The following RUVBL1 variants were observed in gnomAD, a reference collection of about 807,000 sequenced individuals.
RUVBL1 encodes RuvB like AAA ATPase 1.
RUVBL1 carries 4 observed loss-of-function variants against 52.4 expected under a neutral mutation model. The ratio of observed to expected loss-of-function variants is 0.08; its 90% CI spans 0.04 to 0.17. The LOEUF is 0.17. Among genes scored for constraint, RUVBL1 ranks in the 10% least tolerant of loss-of-function variants. RUVBL1 has a pLI of 1.00. For synonymous variants in RUVBL1, 217 were observed against 214.4 expected, an observed-to-expected ratio of 1.01 and a Z score of -0.10; for missense variants, 298 against 572.8, an observed-to-expected ratio of 0.52 and a Z score of 4.90.
intron 9 of RUVBL1, chr3:128,069,587 A>G (rs1309482701): frequency 3.7e-6 from 6 of 1,613,988 alleles, no homozygotes; most frequent in African/African-American, 1.3e-5. Flanking sequence ...TCGCAGTCAC[A>G]ATCATCTACC....
At chr3:128,086,767 T>C (rs1013747708) in intron 9 of RUVBL1, among the ~76,000 whole-genome samples, 6 of 152,240 alleles carry the variant, frequency 3.9e-5, no homozygotes, top group Non-Finnish European at 5.9e-5. Flanking sequence ...CCAATGGTAT[T>C]CCTATGCTTG....
chr3:128,104,742 A>G (rs1310029873), intron 4 of RUVBL1, 31 bp downstream of exon 4: 4 of 1,579,500 alleles, frequency 2.5e-6, no homozygotes, highest in Admixed American at 3.4e-5. Flanking sequence ...TGGGAGAGTC[A>G]AGGGAAAAGA....
At chr3:128,142,480 G>A (rs1944040355) in intron 1 of RUVBL1, among the ~76,000 whole-genome samples, 1 of 152,194 alleles carries the variant, frequency 6.6e-6, no homozygotes, top group South Asian at 2.1e-4. Context: ...TGACACTCCA[G>A]TTAAGTGTTT....
chr3:128,065,678 T>C (rs1941951319), intron 9 of RUVBL1, among the ~76,000 whole-genome samples: 1 of 150,492 alleles, frequency 6.6e-6, no homozygotes, highest in South Asian at 2.1e-4. Context: ...TCTTGCTTAA[T>C]AAAAAGCTAT....
rs140452134 is a variant in RUVBL1, at chr3:128,120,513, G to A, written c.142-1099C>T. Among the ~76,000 whole-genome samples the A allele has an allele frequency of 3.4e-3, 519 of 152,188 alleles. 1 individual carries two copies. Among genetic ancestry groups the A allele is most frequent in the African/African-American group, 0.012 (481 of 41,534 alleles). On this transcript the variant is annotated intron_variant, in intron 1 of 10. Coordinates refer to ENST00000322623, the MANE Select transcript of RUVBL1 (RefSeq NM_003707.3). ...ATATTTTAGAATATTTGACTATAAG[G>A]GGGGAACACTGAGAAAGTTACACTA...
chr3:128,111,506 T>C (rs1032563529), intron 3 of RUVBL1, among the ~76,000 whole-genome samples: 1 of 152,134 alleles, frequency 6.6e-6, no homozygotes, highest in African/African-American at 2.4e-5. Context: ...AGCGCTACCA[T>C]GCAAACACAC....
At chr3:128,116,277 A>G (rs1943520378) in intron 2 of RUVBL1, among the ~76,000 whole-genome samples, 1 of 152,156 alleles carries the variant, frequency 6.6e-6, no homozygotes, top group South Asian at 2.1e-4. Context: ...ACAGTGGCTC[A>G]CGCCTGTAAT....
At chr3:128,110,269 G>C (rs1391191374) in intron 3 of RUVBL1, among the ~76,000 whole-genome samples, 2 of 152,084 alleles carry the variant, frequency 1.3e-5, no homozygotes, top group African/African-American at 4.8e-5. Context: ...CTGGACAACA[G>C]AGTAAGACCC....
intron 9 of RUVBL1, among the ~76,000 whole-genome samples, chr3:128,072,053 C>T (rs1942182223): frequency 6.6e-6 from 1 of 152,222 alleles, no homozygotes; most frequent in South Asian, 2.1e-4. Context: ...AGCTCCAGTA[C>T]CCAGCTGGTG....
At chr3:128,152,806 A>T (rs1432807024) in intron 1 of RUVBL1, among the ~76,000 whole-genome samples, 1 of 151,098 alleles carries the variant, frequency 6.6e-6, no homozygotes. Context: ...AAGAGCAAAA[A>T]GCTTCTGCAA....
intron 2 of RUVBL1, among the ~76,000 whole-genome samples, chr3:128,115,034 C>T (rs186011515): frequency 1.3e-5 from 2 of 152,204 alleles, no homozygotes; most frequent in Admixed American, 1.3e-4. Context: ...ATGTGTGTCT[C>T]GTTTCCTCCA....
At chr3:128,074,377 C>A (rs1477330171) in intron 9 of RUVBL1, among the ~76,000 whole-genome samples, 11 of 146,234 alleles carry the variant, frequency 7.5e-5, no homozygotes, top group African/African-American at 7.6e-5. Flanking sequence ...TAATCTATTG[C>A]AAAAAAAAAA....
chr3:128,118,032 T>C (rs1333925196), intron 2 of RUVBL1, among the ~76,000 whole-genome samples: 1 of 152,148 alleles, frequency 6.6e-6, no homozygotes, highest in Non-Finnish European at 1.5e-5. Flanking sequence ...AAGGGCAACA[T>C]AATGAATGCA....
At chr3:128,150,874 AT>A (rs1167422332) in intron 1 of RUVBL1, among the ~76,000 whole-genome samples, 2 of 66,962 alleles carry the variant, frequency 3.0e-5, no homozygotes, top group African/African-American at 1.5e-4. Context: ...TTATATATAT[AT>A]ATTCTATATA....
intron 1 of RUVBL1, among the ~76,000 whole-genome samples, chr3:128,149,095 T>G (rs547671742): frequency 7.4e-4 from 112 of 152,224 alleles, no homozygotes; most frequent in Non-Finnish European, 1.5e-3. Context: ...TGATATAATT[T>G]CTTTTTTCTT....
upstream of RUVBL1, among the ~76,000 whole-genome samples, chr3:128,126,234 T>TGC (rs1943789244): frequency 7.1e-6 from 1 of 140,314 alleles, no homozygotes; most frequent in Non-Finnish European, 1.6e-5. Context: ...TGTGTGTGTG[T>TGC]GCTAAATAAC....
chr3:128,148,743 T>G (rs987978986), intron 1 of RUVBL1, among the ~76,000 whole-genome samples: 2 of 152,200 alleles, frequency 1.3e-5, no homozygotes, highest in Non-Finnish European at 2.9e-5. Context: ...TACAAGCACA[T>G]ATATATAGAG....
At chr3:128,107,056 T>TA (rs1227655806) in intron 3 of RUVBL1, among the ~76,000 whole-genome samples, 2 of 152,098 alleles carry the variant, frequency 1.3e-5, no homozygotes, top group East Asian at 1.9e-4. Flanking sequence ...AAGTCTACTT[T>TA]AAAAAAAAAT....
upstream of RUVBL1, among the ~76,000 whole-genome samples, chr3:128,124,170 G>A (rs1456585129): frequency 1.3e-5 from 2 of 151,974 alleles, no homozygotes; most frequent in Admixed American, 6.5e-5. Context: ...AAGAACTGAG[G>A]TTCAGAGCTT....
Sources: gnomAD v4.1 joint callset for allele counts (sites outside exome capture counted in the v4.1 genomes callset) on GRCh38, gnomAD v4.1.1 for gene constraint, MANE v1.5 for transcripts, NCBI Gene and HGNC (gene_info 2026-07-23, HGNC 2026-07-21) for gene names.